FKBP5: variants seen among roughly 807,000 people sequenced by gnomAD.
FKBP5 encodes peptidyl-prolyl cis-trans isomerase FKBP5.
FKBP5 carries 23 observed loss-of-function variants against 50.5 expected under a neutral mutation model. That is an observed-to-expected ratio of 0.46 (90% CI 0.33 to 0.65). The LOEUF (loss-of-function observed/expected upper bound fraction) is 0.65. Ranked by LOEUF, FKBP5 falls within the 30% of genes least tolerant of loss-of-function variation. The probability of loss-of-function intolerance (pLI) is 0.02; values close to 1 mark genes in which losing one functional copy is unlikely to be tolerated. For synonymous variants in FKBP5, 176 were observed against 190.6 expected (o/e 0.92, Z 0.63); for missense variants, 411 against 553.1 (o/e 0.74, Z 2.58).
Position 35,621,827 on chromosome 6 carries a change from A to G in FKBP5, c.251-1553T>C, listed in dbSNP as rs192704183. On this transcript the variant is annotated intron_variant, in intron 3 of 10. Transcript: ENST00000357266. ...TGAAACCCCATCTCCACAAAAAAAT[A>G]TATTTAAAAAATGAGCCAGGCGTGG... Among the ~76,000 whole-genome samples, 326 of 152,096 alleles carry G rather than the reference A, an allele frequency of 2.1e-3. 2 individuals carry two copies. The highest frequency in any genetic ancestry group is 0.01 in the Middle Eastern group (3 of 294).
intron 7 of FKBP5, 66 bp from the exon 8 acceptor site, chr6:35,587,183 A>G: frequency 7.3e-7 from 1 of 1,374,558 alleles, no homozygotes; most frequent in Non-Finnish European, 1.0e-6. Context: ...GGCCTATTGG[A>G]ACAAAGAGCA....
intron 1 of FKBP5, among the ~76,000 whole-genome samples, chr6:35,647,857 T>G (rs1387129375): frequency 6.6e-6 from 1 of 152,236 alleles, no homozygotes; most frequent in Non-Finnish European, 1.5e-5. Flanking sequence ...GGCCTTGATA[T>G]TCTGGCCCTT....
intron 1 of FKBP5, among the ~76,000 whole-genome samples, chr6:35,652,213 G>A (rs1358071628): frequency 6.6e-6 from 1 of 152,082 alleles, no homozygotes; most frequent in African/African-American, 2.4e-5. Flanking sequence ...ATCGTCTCAG[G>A]ACCCTGTAAT....
chr6:35,589,118 ATATATATATATTTT>A (rs1561846554), intron 7 of FKBP5, among the ~76,000 whole-genome samples: 13 of 124,830 alleles, frequency 1.0e-4, no homozygotes, highest in African/African-American at 4.2e-4. Context: ...TTTTATATAT[ATATATATATATTTT>A]TTTTTTTTTC....
chr6:35,636,802 G>A (rs1182210180), intron 3 of FKBP5, among the ~76,000 whole-genome samples: 1 of 152,094 alleles, frequency 6.6e-6, no homozygotes, highest in Non-Finnish European at 1.5e-5. Flanking sequence ...ACAGTAAAAT[G>A]GCAAATAATA....
intron 3 of FKBP5, among the ~76,000 whole-genome samples, chr6:35,623,842 T>C (rs1581827151): frequency 6.6e-6 from 1 of 151,638 alleles, no homozygotes; most frequent in Non-Finnish European, 1.5e-5. Context: ...TCTGCCTCCC[T>C]AGTAGCTAGG....
chr6:35,727,968 G>A lies in FKBP5; in HGVS notation c.-241+540C>T, dbSNP rs1408370787. On this transcript the variant is annotated intron_variant, in intron 1 of 11. Coordinates refer to the FKBP5 transcript ENST00000536438. ...GGGCTGCGGGGCCCACGCGCGCCCCGGAGGTTGCTCGCCAACCCCTGCCCC... is the reference window on the plus strand; with the variant it reads ...GGGCTGCGGGGCCCACGCGCGCCCCAGAGGTTGCTCGCCAACCCCTGCCCC... Among the ~76,000 whole-genome samples the A allele has an allele frequency of 3.9e-5, 6 of 152,292 alleles. No individual in the cohort carries two copies. In the East Asian group the frequency reaches 7.8e-4, roughly 20 times the overall value.
chr6:35,694,808 C>T (rs1395768867), intron 2 of FKBP5, among the ~76,000 whole-genome samples: 1 of 152,124 alleles, frequency 6.6e-6, no homozygotes. Context: ...TGCTTCATAG[C>T]AAACTATTCC....
Position 35,591,142 on chromosome 6 carries a change from C to T in FKBP5, c.744G>A (p.Lys248=), listed in dbSNP as rs1219408582. ...GGTATTTTCTCACCTTTTCGAAGCTCTTAAGTGTAACTTCATATATAAGCT... is the reference window on the plus strand; with the variant it reads ...GGTATTTTCTCACCTTTTCGAAGCTTTTAAGTGTAACTTCATATATAAGCT... ...NAELIYEVTL[K]SFEKAKESWE... Residue 248 remains lysine (K), a synonymous_variant, in exon 7 of 11, where the codon AAG becomes AAA. Transcript: ENST00000357266. 2.5e-6 allele frequency: 4 copies of T among 1,609,890 alleles called. No homozygotes were observed. Among genetic ancestry groups the T allele is most frequent in the Non-Finnish European group, 3.4e-6 (4 of 1,177,970 alleles).
At chr6:35,640,956 A>T (rs1388168621) in intron 2 of FKBP5, among the ~76,000 whole-genome samples, 1 of 151,986 alleles carries the variant, frequency 6.6e-6, no homozygotes, top group Non-Finnish European at 1.5e-5. Flanking sequence ...ATACCTCCTG[A>T]GGGACCTGCC....
chr6:35,692,963 C>T (rs995292262), upstream of FKBP5, among the ~76,000 whole-genome samples: 2 of 150,516 alleles, frequency 1.3e-5, no homozygotes, highest in Non-Finnish European at 3.0e-5. Flanking sequence ...CCAGTTGAAA[C>T]ACATTCAACC....
intron 1 of FKBP5, among the ~76,000 whole-genome samples, chr6:35,676,861 G>T (rs1765533927): frequency 6.6e-6 from 1 of 152,106 alleles, no homozygotes; most frequent in Admixed American, 6.5e-5. Flanking sequence ...ATTTGGAAAG[G>T]AATCAGGCCC....
chr6:35,597,110 T>C, intron 6 of FKBP5, 138 bp downstream of exon 6: 1 of 879,074 alleles, frequency 1.1e-6, no homozygotes, highest in South Asian at 1.5e-5. Flanking sequence ...ATTTACGTGA[T>C]GACTAACTGC....
chr6:35,653,825 G>C (rs1278121732), intron 1 of FKBP5, among the ~76,000 whole-genome samples: 1 of 152,096 alleles, frequency 6.6e-6, no homozygotes, highest in Admixed American at 6.6e-5. Flanking sequence ...ATTAAAAATG[G>C]CTAACTTGAA....
At chr6:35,688,327 C>A (rs367882511) in intron 1 of FKBP5, among the ~76,000 whole-genome samples, 4 of 152,104 alleles carry the variant, frequency 2.6e-5, no homozygotes, top group African/African-American at 7.2e-5. Flanking sequence ...GCGCCCGGAC[C>A]CGAAAGCGAA....
At position 35,662,188 on chromosome 6, in the gene FKBP5, T is replaced by C. The variant is rs371983272; in HGVS notation, c.-19-19345A>G. Among the ~76,000 whole-genome samples, 29 of 152,150 alleles carry C rather than the reference T, an allele frequency of 1.9e-4. 1 individual carries two copies. In the South Asian group the frequency reaches 5.6e-3, roughly 29 times the overall value. ...GCTGAGATTTACATGCAAAAGCCAC[T>C]GTGGCTGGCTAGTTTGTATTATTTT... On this transcript the variant is annotated intron_variant, in intron 1 of 10. Transcript: ENST00000357266.
chr6:35,725,573 C>T (rs1444923650), intron 1 of FKBP5, among the ~76,000 whole-genome samples: 1 of 152,086 alleles, frequency 6.6e-6, no homozygotes, highest in Non-Finnish European at 1.5e-5. Flanking sequence ...CCCCACCTTC[C>T]CACCCCCAGC....
At chr6:35,721,566 C>A (rs1581906750) in intron 1 of FKBP5, among the ~76,000 whole-genome samples, 2 of 152,110 alleles carry the variant, frequency 1.3e-5, no homozygotes, top group East Asian at 3.9e-4. Flanking sequence ...AATGATTCTC[C>A]TGCCTCAGCC....
chr6:35,698,759 A>G (rs1348393495), intron 2 of FKBP5, among the ~76,000 whole-genome samples: 4 of 152,216 alleles, frequency 2.6e-5, no homozygotes, highest in African/African-American at 9.7e-5. Flanking sequence ...GCAGAAGGCA[A>G]AAGGGGATCG....
Sources: gnomAD v4.1 joint callset for allele counts (sites outside exome capture counted in the v4.1 genomes callset) on GRCh38, gnomAD v4.1.1 for gene constraint, MANE v1.5 for transcripts, NCBI Gene and HGNC (gene_info 2026-07-23, HGNC 2026-07-21) for gene names.